The following DLG2 variants were observed in gnomAD, a reference collection of about 807,000 sequenced individuals.
DLG2 encodes the protein disks large homolog 2.
A neutral mutation model predicts 132.5 loss-of-function variants in DLG2; 45 were observed. The observed-to-expected ratio is 0.34, with a 90% confidence interval of 0.27 to 0.44. DLG2 has a LOEUF of 0.44. Among genes scored for constraint, DLG2 ranks in the 20% least tolerant of loss-of-function variants. The pLI, the probability that DLG2 is intolerant of heterozygous loss-of-function variation, is 1.00. For missense variants in DLG2, 1,045 were observed against 1,196.9 expected (o/e 0.87, Z 1.87); for synonymous variants, 424 against 419.6 (o/e 1.01, Z -0.13).
At chr11:84,033,765 G>A (rs71469613) in intron 11 of DLG2, among the ~76,000 whole-genome samples, 3,415 of 152,246 alleles carry the variant, frequency 0.022, 70 homozygotes, top group Middle Eastern at 0.034. Flanking sequence ...CGGGCCGGGC[G>A]CGGTGGCTCA....
intron 6 of DLG2, among the ~76,000 whole-genome samples, chr11:85,079,484 ATTTTTTTT>A (rs35913627): frequency 7.3e-6 from 1 of 137,668 alleles, no homozygotes; most frequent in Non-Finnish European, 1.6e-5. Flanking sequence ...GAGGCTTAGA[ATTTTTTTT>A]TTTTTTTTTT....
chr11:84,459,094 C>G (rs1316838332), intron 7 of DLG2, among the ~76,000 whole-genome samples: 1 of 150,162 alleles, frequency 6.7e-6, no homozygotes, highest in Non-Finnish European at 1.5e-5. Flanking sequence ...TTTTTTTTTG[C>G]TAATATGACA....
intron 18 of DLG2, among the ~76,000 whole-genome samples, chr11:83,664,501 T>C (rs923000595): frequency 5.3e-5 from 8 of 151,584 alleles, no homozygotes; most frequent in Non-Finnish European, 1.0e-4. Context: ...TAGAGTTGGG[T>C]GGCTTTTGTA....
chr11:84,163,585 T>C (rs2095596228), intron 8 of DLG2, 74 bp from the exon 9 acceptor site: 3 of 1,232,018 alleles, frequency 2.4e-6, no homozygotes, highest in South Asian at 2.8e-5. Context: ...TTTTAAATAA[T>C]GCTTGGGGGT....
intron 6 of DLG2, among the ~76,000 whole-genome samples, chr11:84,630,899 T>A (rs1000746770): frequency 3.3e-5 from 5 of 151,966 alleles, no homozygotes; most frequent in African/African-American, 9.7e-5. Flanking sequence ...AAGTATCACC[T>A]GAGCATTTGT....
Position 85,466,853 on chromosome 11 carries a change from A to G in DLG2, c.40+131804T>C, listed in dbSNP as rs2092808860. ...GTTTTCCAATTCTGTGAAGAAAGTC[A>G]TTGGTAGCTTGATGGGGATGGCATT... is the stretch of plus-strand genomic sequence containing the variant. On this transcript the variant is annotated intron_variant, in intron 3 of 27. Coordinates refer to ENST00000376104, the MANE Select transcript of DLG2 (RefSeq NM_001142699.3). Among the ~76,000 whole-genome samples the G allele has an allele frequency of 2.0e-5, 3 of 152,274 alleles. No individual in the cohort carries two copies. In the South Asian group the frequency reaches 6.2e-4, roughly 32 times the overall value.
At chr11:84,274,317 G>C (rs866699893) in intron 7 of DLG2, among the ~76,000 whole-genome samples, 1 of 152,118 alleles carries the variant, frequency 6.6e-6, no homozygotes, top group Non-Finnish European at 1.5e-5. Flanking sequence ...AAAGGAATCC[G>C]TACTCTAAGG....
intron 18 of DLG2, chr11:83,682,065 C>A: frequency 2.2e-6 from 2 of 899,450 alleles, no homozygotes; most frequent in Non-Finnish European, 2.7e-6. Context: ...AACACTGACA[C>A]ACACTTCTGA....
intron 8 of DLG2, among the ~76,000 whole-genome samples, chr11:84,214,284 T>TATATATATACATATATATGA (rs2096804220): frequency 2.7e-5 from 4 of 147,362 alleles, no homozygotes; most frequent in African/African-American, 7.5e-5. Context: ...CATATATGAA[T>TATATATATACATATATATGA]ATATATATGA....
At chr11:84,526,698 AC>A (rs754333817) in intron 7 of DLG2, among the ~76,000 whole-genome samples, 1 of 152,020 alleles carries the variant, frequency 6.6e-6, no homozygotes, top group South Asian at 2.1e-4. Flanking sequence ...GTGATAACAT[AC>A]TTATGAAAAC....
At chr11:83,824,222 T>A (rs2051775589) in intron 17 of DLG2, among the ~76,000 whole-genome samples, 1 of 152,190 alleles carries the variant, frequency 6.6e-6, no homozygotes, top group Non-Finnish European at 1.5e-5. Context: ...GCCCTCTTTG[T>A]TGGGAAGTTT....
intron 6 of DLG2, among the ~76,000 whole-genome samples, chr11:84,839,898 C>G (rs960798619): frequency 1.3e-5 from 2 of 152,012 alleles, no homozygotes; most frequent in Non-Finnish European, 2.9e-5. Flanking sequence ...TAGAAGAAAA[C>G]CTAGGCAATA....
At chr11:84,734,343 A>C (rs1374342883) in intron 6 of DLG2, among the ~76,000 whole-genome samples, 2 of 152,080 alleles carry the variant, frequency 1.3e-5, no homozygotes, top group East Asian at 3.9e-4. Flanking sequence ...CTCCTTGAAG[A>C]GTTCCTTCAC....
intron 3 of DLG2, among the ~76,000 whole-genome samples, chr11:85,324,451 T>G (rs913517045): frequency 6.6e-6 from 1 of 152,142 alleles, no homozygotes; most frequent in Non-Finnish European, 1.5e-5. Context: ...ATTTTGCCTT[T>G]AAGATTTTCA....
chr11:84,834,643 G>A (rs532444865), intron 6 of DLG2, among the ~76,000 whole-genome samples: 4 of 151,660 alleles, frequency 2.6e-5, no homozygotes, highest in Non-Finnish European at 5.9e-5. Context: ...GGTTAGGACT[G>A]AATATGGAGT....
At chr11:85,178,018 T>C (rs185450426) in intron 4 of DLG2, among the ~76,000 whole-genome samples, 48 of 152,142 alleles carry the variant, frequency 3.2e-4, no homozygotes, top group East Asian at 5.8e-4. Context: ...ATATTCTTCA[T>C]TGAAGATGAC....
At chr11:85,003,913 T>C (rs2058420101) in intron 6 of DLG2, among the ~76,000 whole-genome samples, 1 of 152,152 alleles carries the variant, frequency 6.6e-6, no homozygotes, top group African/African-American at 2.4e-5. Flanking sequence ...ATGTTCTCCT[T>C]ACTGTGTCCA....
chr11:85,516,387 C>T (rs988270913), intron 3 of DLG2, among the ~76,000 whole-genome samples: 3 of 151,502 alleles, frequency 2.0e-5, no homozygotes, highest in Admixed American at 1.3e-4. Flanking sequence ...CCTCAAGGAC[C>T]CAGAAGAATA....
At chr11:85,611,954 G>T (rs1280118226) in intron 2 of DLG2, among the ~76,000 whole-genome samples, 1 of 151,992 alleles carries the variant, frequency 6.6e-6, no homozygotes, top group Admixed American at 6.6e-5. Flanking sequence ...CAGAGATATA[G>T]AGAGAGAGAA....
Sources: gnomAD v4.1 joint callset for allele counts (sites outside exome capture counted in the v4.1 genomes callset) on GRCh38, gnomAD v4.1.1 for gene constraint, MANE v1.5 for transcripts, NCBI Gene and HGNC (gene_info 2026-07-23, HGNC 2026-07-21) for gene names.